PANK3: variants seen among roughly 807,000 people sequenced by gnomAD.
PANK3 encodes hPanK3.
Under a neutral mutation model 39.4 loss-of-function variants are expected in PANK3, and 20 were observed. That is an observed-to-expected ratio of 0.51 (90% CI 0.36 to 0.74). PANK3 has a LOEUF of 0.74. Ranked by LOEUF, PANK3 falls within the 30% of genes least tolerant of loss-of-function variation. PANK3 has a pLI of 0.00. For synonymous variants in PANK3, 140 were observed against 157.3 expected, an observed-to-expected ratio of 0.89 and a Z score of 0.82; for missense variants, 265 against 437.0, an observed-to-expected ratio of 0.61 and a Z score of 3.51.
chr5:168,554,805 C>T lies in PANK3; in HGVS notation c.*2766G>A, dbSNP rs1759324248. ...ATGACAGTAACTACAAGTTTTATAC[C>T]TGTGGCAAATACTGTATTAGCATCT... On this transcript the variant is annotated 3_prime_UTR_variant, in exon 7 of 7. Transcript: ENST00000239231. The T allele has an allele frequency of 6.6e-6, 1 of 152,148 alleles. No individual in the cohort carries two copies. The highest frequency in any genetic ancestry group is 2.4e-5 in the African/African-American group (1 of 41,426). The allele number at this position is 152,148 out of a possible 1,614,324, so 9.4% of individuals were successfully genotyped here.
At chr5:168,560,997 A>T (rs1317942222) in intron 5 of PANK3, 3 of 492,842 alleles carry the variant, frequency 6.1e-6, no homozygotes, top group African/African-American at 5.9e-5. Flanking sequence ...GAATTTCACT[A>T]ATCAAATGCA....
chr5:168,550,815 C>G lies in PANK3; in HGVS notation c.*6756G>C, dbSNP rs888516710. Reference sequence around the variant, plus strand: ...CCCTGAAAACTGACTCATTTCCCATCATAACAAACCAACTCCCTCATTTTA... The same window carrying G: ...CCCTGAAAACTGACTCATTTCCCATGATAACAAACCAACTCCCTCATTTTA... On this transcript the variant is annotated 3_prime_UTR_variant, in exon 7 of 7. Transcript: ENST00000239231. The G allele has an allele frequency of 6.6e-6, 1 of 152,082 alleles. No homozygotes were observed. Among genetic ancestry groups the G allele is most frequent in the Non-Finnish European group, 1.5e-5 (1 of 67,980 alleles). 9.4% of individuals were successfully genotyped at this position (152,082 alleles called of 1,614,324 possible).
chr5:168,565,861 A>G (rs1415661596), intron 3 of PANK3, 152 bp downstream of exon 3: 1 of 165,036 alleles, frequency 6.1e-6, no homozygotes, highest in African/African-American at 3.7e-5. Flanking sequence ...TTCACTTAAA[A>G]AAAAAAAATA....
chr5:168,562,234 C>T (rs1403638888), intron 4 of PANK3, among the ~76,000 whole-genome samples: 1 of 151,954 alleles, frequency 6.6e-6, no homozygotes, highest in African/African-American at 2.4e-5. Flanking sequence ...CAAACAAAGG[C>T]TAACCTTGGA....
Position 168,550,134 on chromosome 5 carries a change from T to C in PANK3, c.*7437A>G, listed in dbSNP as rs1251831964. On this transcript the variant is annotated 3_prime_UTR_variant, in exon 7 of 7. Transcript: ENST00000239231. ...GTTAAAAACTGTACTTCAAATTTTGTACTCTGATATTATCCTGGGATAACG... is the reference window on the plus strand; with the variant it reads ...GTTAAAAACTGTACTTCAAATTTTGCACTCTGATATTATCCTGGGATAACG... 1 of 152,228 alleles carries C rather than the reference T, an allele frequency of 6.6e-6. No homozygotes were observed. Among genetic ancestry groups the C allele is most frequent in the Non-Finnish European group, 1.5e-5 (1 of 68,028 alleles). The allele number at this position is 152,228 out of a possible 1,614,324, so 9.4% of individuals were successfully genotyped here.
At position 168,552,833 on chromosome 5, in the gene PANK3, C is replaced by T; in HGVS notation, c.*4738G>A. On this transcript the variant is annotated 3_prime_UTR_variant, in exon 7 of 7. Transcript: ENST00000239231. The stretch of plus-strand genomic sequence containing the variant: ...ACTAATCTATAGATTGGCTTCTCAA[C>T]ACCTGCATCCTTGAAGATTCTCATT... 5.4e-6 allele frequency: 1 copy of T among 186,728 alleles called. No homozygotes were observed. 11.6% of individuals were successfully genotyped at this position (186,728 alleles called of 1,614,324 possible). A position where few individuals can be genotyped will look rare whatever the true frequency, so the allele number is the denominator to read the frequency against.
At chr5:168,576,026 C>T (rs947719278) in intron 1 of PANK3, among the ~76,000 whole-genome samples, 1 of 152,168 alleles carries the variant, frequency 6.6e-6, no homozygotes, top group Admixed American at 6.5e-5. Context: ...GGGTTTTGTT[C>T]TGAAATAGAC....
rs1430853511 is a variant in PANK3 at position 168,566,269 on chromosome 5, G to C, written c.382-3C>G. ...TTGTGCAGGTGGAGGTTTCCAATCT[G>C]TTAAAACAAACAAACAAAAACAAAA... On this transcript the variant is annotated splice_polypyrimidine_tract_variant and splice_region_variant and intron_variant, in intron 2 of 6. Transcript: ENST00000239231. 6.4e-7 allele frequency: 1 copy of C among 1,569,410 alleles called. No homozygotes were observed. Among genetic ancestry groups the C allele is most frequent in the Admixed American group, 1.8e-5 (1 of 56,622 alleles).
In PANK3 at chr5:168,554,723, C is replaced by G. The variant is rs1291004360; in HGVS notation, c.*2848G>C. ...TATTGGAGCCAAAATTCCATTAGTTCAATTTATTTTAAAAGTTTCTGATTT... is the reference window on the plus strand; with the variant it reads ...TATTGGAGCCAAAATTCCATTAGTTGAATTTATTTTAAAAGTTTCTGATTT... On this transcript the variant is annotated 3_prime_UTR_variant, in exon 7 of 7. Transcript: ENST00000239231. The G allele has an allele frequency of 6.6e-6, 1 of 152,104 alleles. No homozygotes were observed. 9.4% of individuals were successfully genotyped at this position (152,104 alleles called of 1,614,324 possible).
At chr5:168,561,933 T>C (rs1332921424) in intron 4 of PANK3, among the ~76,000 whole-genome samples, 1 of 152,224 alleles carries the variant, frequency 6.6e-6, no homozygotes, top group Non-Finnish European at 1.5e-5. Flanking sequence ...AACAGTGAAT[T>C]AGTCTAGTGC....
At chr5:168,566,590 T>C (rs1005942012) in intron 2 of PANK3, among the ~76,000 whole-genome samples, 1 of 152,218 alleles carries the variant, frequency 6.6e-6, no homozygotes, top group African/African-American at 2.4e-5. Context: ...CTATGCATTA[T>C]CTTTGAGTGT....
rs1759364592 is a variant in PANK3 at position 168,557,300 on chromosome 5, A to T, written c.*271T>A. The T allele has an allele frequency of 1.4e-5, 6 of 419,580 alleles. No individual in the cohort carries two copies. Among genetic ancestry groups the T allele is most frequent in the Non-Finnish European group, 1.7e-5 (4 of 233,688 alleles). The allele number at this position is 419,580 out of a possible 1,614,324, so 26.0% of individuals were successfully genotyped here. ...AGCATACAGTACTGCAATGTTGGCT[A>T]CATAAAATAAAAAAATCTTTTTAAG... On this transcript the variant is annotated 3_prime_UTR_variant, in exon 7 of 7. Transcript: ENST00000239231.
chr5:168,578,431 G>C (rs1425062945), intron 1 of PANK3, among the ~76,000 whole-genome samples: 1 of 152,188 alleles, frequency 6.6e-6, no homozygotes, highest in Non-Finnish European at 1.5e-5. Context: ...AGATGAGCAT[G>C]AATCCCCACG....
At chr5:168,563,819 C>A in intron 4 of PANK3, 70 bp downstream of exon 4, 2 of 1,405,182 alleles carry the variant, frequency 1.4e-6, no homozygotes, top group Non-Finnish European at 9.5e-7. Flanking sequence ...TGTTACATTG[C>A]TTTCCAAAAA....
At chr5:168,565,528 T>C (rs1389389640) in intron 3 of PANK3, among the ~76,000 whole-genome samples, 1 of 152,044 alleles carries the variant, frequency 6.6e-6, no homozygotes, top group Non-Finnish European at 1.5e-5. Context: ...GAACAAAATA[T>C]AAACATAATA....
intron 1 of PANK3, chr5:168,578,616 A>G (rs158891): frequency 0.75 from 114,475 of 152,212 alleles, 43,559 homozygotes; most frequent in African/African-American, 0.85. Context: ...GCATAGAAAA[A>G]TATCTACGGG....
Position 168,555,940 on chromosome 5 carries a change from A to G in PANK3, c.*1631T>C, listed in dbSNP as rs1582459708. 1 of 152,388 alleles carries G rather than the reference A, an allele frequency of 6.6e-6. No individual in the cohort carries two copies. Among genetic ancestry groups the G allele is most frequent in the African/African-American group, 2.4e-5 (1 of 41,598 alleles). The allele number at this position is 152,388 out of a possible 1,614,324, so 9.4% of individuals were successfully genotyped here. ...AGACACAACTTCCTACATAGAGGAAATAAGAGGAACAAACCCCTTTTGGAC... is the reference window on the plus strand; with the variant it reads ...AGACACAACTTCCTACATAGAGGAAGTAAGAGGAACAAACCCCTTTTGGAC... On this transcript the variant is annotated 3_prime_UTR_variant, in exon 7 of 7. Transcript: ENST00000239231.
Position 168,553,145 on chromosome 5 carries a change from G to T in PANK3, c.*4426C>A. 2 of 453,414 alleles carry T rather than the reference G, an allele frequency of 4.4e-6. No individual in the cohort carries two copies. Among genetic ancestry groups the T allele is most frequent in the Non-Finnish European group, 8.6e-6 (2 of 232,256 alleles). 28.1% of individuals were successfully genotyped at this position (453,414 alleles called of 1,614,324 possible). On this transcript the variant is annotated 3_prime_UTR_variant, in exon 7 of 7. Coordinates refer to ENST00000239231, the MANE Select transcript of PANK3 (RefSeq NM_024594.4). ...GCTACACTTTATAGGACAGCTGGAA[G>T]GATGGTAAAGCCCAGTATCACTGGG...
chr5:168,579,339 G>T lies in PANK3; in HGVS notation c.-56C>A. ...CCGATCCGGGGCACTGAGAGCAGAG[G>T]CGGCGACTCCGGAGGTGGCTGGGCC... On this transcript the variant is annotated 5_prime_UTR_variant, in exon 1 of 7. Transcript: ENST00000239231. 1 of 1,397,778 alleles carries T rather than the reference G, an allele frequency of 7.2e-7. No individual in the cohort carries two copies. Among genetic ancestry groups the T allele is most frequent in the African/African-American group, 1.5e-5 (1 of 66,926 alleles). The allele number at this position is 1,397,778 out of a possible 1,614,324, so 86.6% of individuals were successfully genotyped here. A position where few individuals can be genotyped will look rare whatever the true frequency, so the allele number is the denominator to read the frequency against.
Sources: gnomAD v4.1 joint callset for allele counts (sites outside exome capture counted in the v4.1 genomes callset) on GRCh38, gnomAD v4.1.1 for gene constraint, MANE v1.5 for transcripts, NCBI Gene and HGNC (gene_info 2026-07-23, HGNC 2026-07-21) for gene names.